MID1: variants seen among roughly 807,000 people sequenced by gnomAD.
MID1 encodes E3 ubiquitin-protein ligase Midline-1.
Under a neutral mutation model 40.4 loss-of-function variants are expected in MID1, and 7 were observed. The observed-to-expected ratio is 0.17, with a 90% CI of 0.10 to 0.33. The LOEUF (loss-of-function observed/expected upper bound fraction) is 0.33. MID1 is among the 10% of genes least tolerant of loss of function. The pLI is 1.00. For missense variants in MID1, 367 were observed against 558.5 expected, an observed-to-expected ratio of 0.66 and a Z score of 3.46; for synonymous variants, 229 against 221.2, an observed-to-expected ratio of 1.04 and a Z score of -0.31.
intron 2 of MID1, among the ~76,000 whole-genome samples, chrX:10,525,230 T>C (rs1932807811): frequency 8.9e-6 from 1 of 112,434 alleles, no homozygotes; most frequent in African/African-American, 3.2e-5. Flanking sequence ...AGGCTTAAAA[T>C]GCATATGTCA....
At chrX:10,485,836 G>A (rs918030506) in intron 4 of MID1, among the ~76,000 whole-genome samples, 7 of 111,663 alleles carry the variant, frequency 6.3e-5, no homozygotes, top group African/African-American at 2.0e-4. Context: ...TAAGGCCATG[G>A]AGAGCTCAAC....
chrX:10,590,344 G>T (rs146676096), intron 1 of MID1, among the ~76,000 whole-genome samples: 2 of 111,205 alleles, frequency 1.8e-5, no homozygotes, highest in East Asian at 5.7e-4. Flanking sequence ...TCTCTCAGTT[G>T]TAGGAGAATA....
rs1022893483 is a variant in MID1 at position 10,448,943 on chromosome X, T to C, written c.*425A>G. 7.6e-6 allele frequency: 1 copy of C among 130,857 alleles called. No homozygotes were observed. The highest frequency in any genetic ancestry group is 3.2e-5 in the African/African-American group (1 of 31,279). The allele number at this position is 130,857 out of a possible 1,213,427, so 10.8% of individuals were successfully genotyped here. On this transcript the variant is annotated 3_prime_UTR_variant, in exon 10 of 10. Transcript: ENST00000317552. Reference sequence around the variant, plus strand: ...ACCATCGAGGTGAGAAGACCTACCATGGGATCATCATGGGATATCAGGTAA... The same window carrying C: ...ACCATCGAGGTGAGAAGACCTACCACGGGATCATCATGGGATATCAGGTAA...
intron 1 of MID1, among the ~76,000 whole-genome samples, chrX:10,654,471 C>T (rs1445014748): frequency 9.0e-6 from 1 of 111,723 alleles, no homozygotes; most frequent in Non-Finnish European, 1.9e-5. Flanking sequence ...TGAAACTGTT[C>T]CACTTCAGAT....
chrX:10,448,977 G>A lies in MID1; in HGVS notation c.*391C>T, dbSNP rs111397194. ...CATGGGATATCAGGTAAGAAGATGA[G>A]TAACATACAAAACTACAAAAGTTTT... On this transcript the variant is annotated 3_prime_UTR_variant, in exon 10 of 10. Coordinates refer to ENST00000317552, the MANE Select transcript of MID1 (RefSeq NM_000381.4). The A allele has an allele frequency of 0.032, 4,672 of 147,598 alleles. 219 individuals carry two copies. The highest frequency in any genetic ancestry group is 0.14 in the African/African-American group (4,350 of 31,688). The allele number at this position is 147,598 out of a possible 1,213,427, so 12.2% of individuals were successfully genotyped here. A position where few individuals can be genotyped will look rare whatever the true frequency, so the allele number is the denominator to read the frequency against.
chrX:10,720,792 C>G (rs1241276241), intron 1 of MID1, among the ~76,000 whole-genome samples: 2 of 110,246 alleles, frequency 1.8e-5, no homozygotes, highest in Non-Finnish European at 3.8e-5. Context: ...AGACTTGGAA[C>G]CAACCCAAAT....
At chrX:10,725,611 C>G (rs1420083300) in intron 1 of MID1, among the ~76,000 whole-genome samples, 1 of 111,964 alleles carries the variant, frequency 8.9e-6, no homozygotes, top group Non-Finnish European at 1.9e-5. Context: ...GTAATCCCAG[C>G]ACTTTAGGAG....
chrX:10,652,743 C>T (rs1008520363), intron 1 of MID1, among the ~76,000 whole-genome samples: 4 of 111,659 alleles, frequency 3.6e-5, no homozygotes, highest in Admixed American at 9.5e-5. Context: ...TCTTCACAGA[C>T]GCCACAGGCT....
chrX:10,725,499 T>A (rs984663049), intron 1 of MID1, among the ~76,000 whole-genome samples: 5 of 112,249 alleles, frequency 4.5e-5, no homozygotes, highest in Admixed American at 9.4e-5. Context: ...ATTAAAAGAT[T>A]AGTAAATTAA....
rs960168336 is a variant in MID1 at position 10,501,355 on chromosome X, G to C, written c.757-5664C>G. On this transcript the variant is annotated intron_variant, in intron 3 of 9. Coordinates refer to ENST00000317552, the MANE Select transcript of MID1 (RefSeq NM_000381.4). ...TTAGCCCACCAGTATGAGAAACTCA[G>C]TCACTTTCACCTCATCTCATTTTTG... is the stretch of plus-strand genomic sequence containing the variant. 16 of 1,076,647 alleles carry C rather than the reference G, an allele frequency of 1.5e-5. No homozygotes were observed. In the Admixed American group the frequency reaches 3.9e-4, roughly 27 times the overall value. 88.7% of individuals were successfully genotyped at this position (1,076,647 alleles called of 1,213,427 possible).
In MID1 at chrX:10,607,210, T is replaced by C. The variant is rs938921803; in HGVS notation, c.-57+13080A>G. ...TGATCCCCGCTGGTAAGGAGATTCT[T>C]ATCAAGTTTCAGCAAACCCAGTGAG... On this transcript the variant is annotated intron_variant, in intron 1 of 9. Transcript: ENST00000317552. 6.2e-5 allele frequency among the ~76,000 whole-genome samples: 7 copies of C among 112,252 alleles called. No individual in the cohort carries two copies. In the East Asian group the frequency reaches 1.7e-3, roughly 27 times the overall value.
At chrX:10,512,098 AG>A (rs1333005689) in intron 3 of MID1, among the ~76,000 whole-genome samples, 1 of 112,441 alleles carries the variant, frequency 8.9e-6, no homozygotes, top group Admixed American at 9.4e-5. Flanking sequence ...GAGGAAAAAA[AG>A]GAATTTACTT....
intron 1 of MID1, among the ~76,000 whole-genome samples, chrX:10,704,747 C>T (rs1183158529): frequency 5.2e-5 from 5 of 95,567 alleles, no homozygotes; most frequent in Non-Finnish European, 1.0e-4. Context: ...TATACACACA[C>T]ACACACACAC....
intron 1 of MID1, among the ~76,000 whole-genome samples, chrX:10,684,745 A>G (rs777245095): frequency 2.7e-5 from 3 of 111,681 alleles, no homozygotes; most frequent in Admixed American, 9.5e-5. Context: ...ACTTTGGAAT[A>G]TGTAACAACT....
chrX:10,781,650 A>G (rs1451661099), intron 1 of MID1, among the ~76,000 whole-genome samples: 3 of 112,033 alleles, frequency 2.7e-5, no homozygotes, highest in Non-Finnish European at 5.6e-5. Flanking sequence ...AATGACTTCC[A>G]TCACTACACC....
At chrX:10,783,270 G>A (rs1385353022) in intron 1 of MID1, among the ~76,000 whole-genome samples, 9 of 111,061 alleles carry the variant, frequency 8.1e-5, no homozygotes, top group African/African-American at 3.0e-4. Flanking sequence ...AGGAATATTT[G>A]TTCTCCAACC....
At chrX:10,505,900 A>T in intron 3 of MID1, 2 of 754,011 alleles carry the variant, frequency 2.7e-6, no homozygotes, top group Non-Finnish European at 3.1e-6. Context: ...TCAGTTACTC[A>T]GGTATAGAAG....
At chrX:10,650,857 C>G (rs752605395) in intron 1 of MID1, among the ~76,000 whole-genome samples, 1 of 110,444 alleles carries the variant, frequency 9.1e-6, no homozygotes, top group Non-Finnish European at 1.9e-5. Flanking sequence ...TTCCCTTTGC[C>G]CCTACAACCT....
intron 2 of MID1, among the ~76,000 whole-genome samples, chrX:10,552,085 T>C (rs1161747475): frequency 9.0e-6 from 1 of 110,607 alleles, no homozygotes; most frequent in Non-Finnish European, 1.9e-5. Context: ...CCACTGTACA[T>C]GGTATTACTT....
Sources: allele counts gnomAD v4.1 joint callset (sites outside exome capture counted in the v4.1 genomes callset), GRCh38; gene constraint gnomAD v4.1.1; transcripts MANE v1.5; gene names NCBI Gene and HGNC (gene_info 2026-07-23, HGNC 2026-07-21).